BLM: variants seen among roughly 807,000 people sequenced by gnomAD.
BLM encodes BLM RecQ like helicase.
BLM carries 95 observed loss-of-function variants against 135.3 expected under a neutral mutation model. The ratio of observed to expected loss-of-function variants is 0.70; its 90% CI spans 0.59 to 0.83. The LOEUF is 0.83. Ranked by LOEUF, BLM falls within the 40% of genes least tolerant of loss-of-function variation. The pLI, the probability that BLM is intolerant of heterozygous loss-of-function variation, is 0.00. For synonymous variants in BLM, 520 were observed against 589.2 expected (o/e 0.88, Z 1.70); for missense variants, 1,518 against 1,663.9 (o/e 0.91, Z 1.53).
intron 16 of BLM, among the ~76,000 whole-genome samples, chr15:90,797,190 G>A (rs1376849301): frequency 6.6e-6 from 1 of 152,032 alleles, no homozygotes; most frequent in African/African-American, 2.4e-5. Context: ...GAGGCCGGCG[G>A]ATCACCTGAG....
chr15:90,765,278 T>G lies in BLM; in HGVS notation c.2075-18T>G, dbSNP rs2151162302. On this transcript the variant is annotated intron_variant, in intron 8 of 21. Transcript: ENST00000355112. ...GAAGACAGAACCTGACAGATATTTT[T>G]TCATTGTTCTCTTTCAGGAGGTGGT... 1 of 1,548,934 alleles carries G rather than the reference T, an allele frequency of 6.5e-7. No homozygotes were observed. The highest frequency in any genetic ancestry group is 8.9e-7 in the Non-Finnish European group (1 of 1,120,930).
intron 12 of BLM, among the ~76,000 whole-genome samples, chr15:90,771,378 T>C (rs1399290098): frequency 6.6e-6 from 1 of 152,016 alleles, no homozygotes; most frequent in African/African-American, 2.4e-5. Context: ...TCGCTGCTAC[T>C]CAGGAGGCTG....
At chr15:90,759,902 C>G (rs1895917705) in intron 5 of BLM, 1 of 392,808 alleles carries the variant, frequency 2.5e-6, no homozygotes, top group South Asian at 2.4e-5. Context: ...CCACCGTGCC[C>G]AGCCCCACTT....
intron 8 of BLM, among the ~76,000 whole-genome samples, chr15:90,763,913 T>A (rs906526445): frequency 6.6e-6 from 1 of 152,248 alleles, no homozygotes; most frequent in Non-Finnish European, 1.5e-5. Context: ...TCACCTGACT[T>A]GTGACCTTTA....
intron 1 of BLM, among the ~76,000 whole-genome samples, chr15:90,746,345 T>C (rs191528959): frequency 6.6e-6 from 1 of 152,294 alleles, no homozygotes; most frequent in East Asian, 1.9e-4. Context: ...CAATGTTTAT[T>C]AAATAACTAG....
chr15:90,768,409 T>G (rs1357556632), intron 10 of BLM, among the ~76,000 whole-genome samples: 1 of 152,210 alleles, frequency 6.6e-6, no homozygotes, highest in Non-Finnish European at 1.5e-5. Context: ...AAGATGTGAG[T>G]GCTACATGTG....
chr15:90,805,257 CTA>C (rs1897262917), intron 19 of BLM, among the ~76,000 whole-genome samples: 8 of 150,950 alleles, frequency 5.3e-5, no homozygotes, highest in Admixed American at 5.3e-4. Context: ...TAATGGTACC[CTA>C]TGTATGTTAT....
chr15:90,779,162 G>C (rs903145671), intron 12 of BLM, among the ~76,000 whole-genome samples: 1 of 152,098 alleles, frequency 6.6e-6, no homozygotes, highest in African/African-American at 2.4e-5. Flanking sequence ...TGGAATTACA[G>C]GCATGAGCCA....
Position 90,794,155 on chromosome 15 carries a change from C to T in BLM, c.3020-12C>T, listed in dbSNP as rs1390019495. 1 of 1,580,004 alleles carries T rather than the reference C, an allele frequency of 6.3e-7. No individual in the cohort carries two copies. Among genetic ancestry groups the T allele is most frequent in the Non-Finnish European group, 8.7e-7 (1 of 1,152,780 alleles). On this transcript the variant is annotated splice_polypyrimidine_tract_variant and intron_variant, in intron 15 of 21. Coordinates refer to ENST00000355112, the MANE Select transcript of BLM (RefSeq NM_000057.4). ...TATAAGTATGTCTTACTATAGTCTT[C>T]ATCTCTTTTAGTGGAAAAAGATGGA... is the stretch of plus-strand genomic sequence containing the variant.
At chr15:90,736,594 AAGTTATTTGTTGC>A (rs1332917087) in intron 1 of BLM, among the ~76,000 whole-genome samples, 1 of 152,172 alleles carries the variant, frequency 6.6e-6, no homozygotes, top group Non-Finnish European at 1.5e-5. Flanking sequence ...TGAATGCACA[AAGTTATTTGTTGC>A]AGCATTATTT....
At chr15:90,806,307 T>A (rs1451620476) in intron 19 of BLM, among the ~76,000 whole-genome samples, 1 of 152,114 alleles carries the variant, frequency 6.6e-6, no homozygotes, top group Non-Finnish European at 1.5e-5. Context: ...GGTCAGGAGT[T>A]CGAGACTAGC....
rs1897079693 is a variant in BLM, at chr15:90,798,277, A to C, written c.3298A>C (p.Ile1100Leu). The C allele has an allele frequency of 6.2e-7, 1 of 1,612,754 alleles. No individual in the cohort carries two copies. The highest frequency in any genetic ancestry group is 8.5e-7 in the Non-Finnish European group (1 of 1,179,226). ...EHSSSQGMRN[I>L]KHVGPSGRFT... is the part of the protein sequence containing the mutation. ...TAGTTCATCACAAGGAATGAGAAAT[A>C]TAAAACATGTAGGTCCTTCTGGAAG... The change falls in exon 17 of 22, where the codon ATA (isoleucine) becomes CTA (leucine). Residue 1100 changes from isoleucine to leucine, a missense_variant. Around this residue, in one of 5 missense-constraint regions of BLM, gnomAD observed 626 missense variants for 681.1 expected, o/e 0.92. Coordinates refer to ENST00000355112, the MANE Select transcript of BLM (RefSeq NM_000057.4).
intron 1 of BLM, among the ~76,000 whole-genome samples, chr15:90,735,426 AG>A (rs1410890978): frequency 6.6e-6 from 1 of 151,842 alleles, no homozygotes; most frequent in African/African-American, 2.4e-5. Flanking sequence ...ACAAAGAGAA[AG>A]TAGACTTCCA....
At chr15:90,736,331 T>G (rs1244060051) in intron 1 of BLM, among the ~76,000 whole-genome samples, 1 of 152,152 alleles carries the variant, frequency 6.6e-6, no homozygotes, top group Non-Finnish European at 1.5e-5. Flanking sequence ...TAGTGTGATC[T>G]TGGCTCACTG....
intron 19 of BLM, among the ~76,000 whole-genome samples, chr15:90,806,135 C>T (rs1269995): frequency 6.6e-6 from 1 of 152,112 alleles, no homozygotes; most frequent in Non-Finnish European, 1.5e-5. Flanking sequence ...AGAATTTTTT[C>T]TTCCTTAATA....
rs139231764 is a variant in BLM, at chr15:90,759,692, C to T, written c.1088-455C>T. The stretch of plus-strand genomic sequence containing the variant: ...CACGATCTCAGCTCACTGCAACCTC[C>T]ACCTCCCAGGTTCAAGCGATTCTCC... On this transcript the variant is annotated intron_variant, in intron 5 of 21. Coordinates refer to ENST00000355112, the MANE Select transcript of BLM (RefSeq NM_000057.4). Among the ~76,000 whole-genome samples, 1,393 of 151,958 alleles carry T rather than the reference C, an allele frequency of 9.2e-3. 17 individuals are homozygous for T. Among genetic ancestry groups the T allele is most frequent in the African/African-American group, 0.032 (1,346 of 41,448 alleles).
In BLM at chr15:90,784,991, TG is replaced by T; in HGVS notation, c.2736del (p.Leu913SerfsTer49). ...CCATGGCTGACACGTTACAGAGAGA[TG>T]GGCTCGCTGCTCTTGCTTACCATGC... Reference protein sequence around the residue: ...DTMADTLQRDGLAALAYHAGL... With the variant: ...DTMADTLQRDXLAALAYHAGL... On this transcript the variant is annotated frameshift_variant, in exon 14 of 22. Coordinates refer to ENST00000355112, the MANE Select transcript of BLM (RefSeq NM_000057.4). LOFTEE classifies it high-confidence loss of function. The T allele has an allele frequency of 6.2e-7, 1 of 1,614,194 alleles. No homozygotes were observed. Among genetic ancestry groups the T allele is most frequent in the Non-Finnish European group, 8.5e-7 (1 of 1,180,026 alleles).
In BLM at chr15:90,721,721, A is replaced by G. The variant is rs187633663; in HGVS notation, c.-5+4281A>G. On this transcript the variant is annotated intron_variant, in intron 1 of 21. Coordinates refer to ENST00000355112, the MANE Select transcript of BLM (RefSeq NM_000057.4). ...GCCTAGGTGGGCGGATCATGAGGTCAGGAGTTCGAGACCAGTGTGGCCAAC... is the reference window on the plus strand; with the variant it reads ...GCCTAGGTGGGCGGATCATGAGGTCGGGAGTTCGAGACCAGTGTGGCCAAC... Among the ~76,000 whole-genome samples the G allele has an allele frequency of 9.9e-5, 15 of 151,638 alleles. No individual in the cohort carries two copies. In the East Asian group the frequency reaches 3.0e-3, roughly 30 times the overall value.
intron 12 of BLM, among the ~76,000 whole-genome samples, chr15:90,777,811 C>A (rs968317463): frequency 6.6e-6 from 1 of 152,154 alleles, no homozygotes; most frequent in African/African-American, 2.4e-5. Flanking sequence ...ATCACCCCAG[C>A]GAGAAACCTG....
Sources: allele counts gnomAD v4.1 joint callset (sites outside exome capture counted in the v4.1 genomes callset), GRCh38; gene constraint gnomAD v4.1.1; regional missense constraint gnomAD v4.1.1; transcripts MANE v1.5; gene names NCBI Gene and HGNC (gene_info 2026-07-23, HGNC 2026-07-21).